The following MCF2L variants were observed in gnomAD, a reference collection of about 807,000 sequenced individuals.
MCF2L encodes guanine nucleotide exchange factor DBS.
Under a neutral mutation model 153.4 loss-of-function variants are expected in MCF2L, and 97 were observed. The observed-to-expected ratio is 0.63, with a 90% CI of 0.54 to 0.75. MCF2L has a LOEUF of 0.75. Ranked by LOEUF, MCF2L falls within the 30% of genes least tolerant of loss-of-function variation. The pLI, the probability that MCF2L is intolerant of heterozygous loss-of-function variation, is 0.00. For synonymous variants in MCF2L, 659 were observed against 632.2 expected (o/e 1.04, Z -0.64); for missense variants, 1,347 against 1,495.2 (o/e 0.90, Z 1.64).
rs1254848457 is a variant in MCF2L at position 112,969,759 on chromosome 13, G to A, written c.79+301G>A. On this transcript the variant is annotated intron_variant, in intron 1 of 29. Transcript: ENST00000535094. This position sits in a 1 kb window ranked among gnomAD's most constrained non-coding sequence, Gnocchi z 4.8. ...CTGCCCATCAACCTGCCTGTCCGCAGCCCTCGCAATGGAGAATGCATTGCG... is the reference window on the plus strand; with the variant it reads ...CTGCCCATCAACCTGCCTGTCCGCAACCCTCGCAATGGAGAATGCATTGCG... 6.6e-6 allele frequency among the ~76,000 whole-genome samples: 1 copy of A among 152,168 alleles called. No homozygotes were observed. Among genetic ancestry groups the A allele is most frequent in the African/African-American group, 2.4e-5 (1 of 41,438 alleles).
In MCF2L at chr13:112,960,779, G is replaced by A. The variant is rs1327692971; in HGVS notation, c.170-53984G>A. On this transcript the variant is annotated intron_variant, in intron 2 of 29. Coordinates refer to the MCF2L transcript ENST00000375608. This position sits in a 1 kb window ranked among gnomAD's most constrained non-coding sequence, Gnocchi z 4.2. Reference sequence around the variant, plus strand: ...TGCTGCCTGCATTCCTGGGCTCATGGCCGCACCACCCAGACCCTTACATCC... The same window carrying A: ...TGCTGCCTGCATTCCTGGGCTCATGACCGCACCACCCAGACCCTTACATCC... Among the ~76,000 whole-genome samples, 2 of 152,106 alleles carry A rather than the reference G, an allele frequency of 1.3e-5. No homozygotes were observed. Among genetic ancestry groups the A allele is most frequent in the African/African-American group, 4.8e-5 (2 of 41,404 alleles).
At chr13:113,033,637 C>G (rs1440760293) in intron 3 of MCF2L, among the ~76,000 whole-genome samples, 2 of 152,100 alleles carry the variant, frequency 1.3e-5, no homozygotes, top group Non-Finnish European at 1.5e-5. Flanking sequence ...GTGATTTCCC[C>G]CCCCCACCCC....
chr13:112,897,852 TGG>T (rs941292575), intron 1 of MCF2L, among the ~76,000 whole-genome samples: 1 of 152,122 alleles, frequency 6.6e-6, no homozygotes, highest in Non-Finnish European at 1.5e-5. Context: ...TGACTGGCAG[TGG>T]GGACTGGAGT....
chr13:113,090,282 A>C, intron 26 of MCF2L: 1 of 1,305,266 alleles, frequency 7.7e-7, no homozygotes, highest in Non-Finnish European at 1.0e-6. Flanking sequence ...CTTTCCACCC[A>C]ATCACGTGTT....
rs1416611361 is a variant in MCF2L, at chr13:113,035,259, C to A, written c.279-10012C>A. ...TAATTTTTGTGTCCTGCTGTAACTA[C>A]CATGTAGTGCACTTATGAATCGTGC... On this transcript the variant is annotated intron_variant, in intron 3 of 29. Transcript: ENST00000535094. This position sits in a 1 kb window ranked among gnomAD's most constrained non-coding sequence, Gnocchi z 4.4. 6.6e-6 allele frequency among the ~76,000 whole-genome samples: 1 copy of A among 152,196 alleles called. No homozygotes were observed. Among genetic ancestry groups the A allele is most frequent in the Non-Finnish European group, 1.5e-5 (1 of 68,034 alleles).
intron 2 of MCF2L, among the ~76,000 whole-genome samples, chr13:112,920,887 GC>G (rs1465581385): frequency 2.0e-5 from 3 of 152,114 alleles, no homozygotes; most frequent in African/African-American, 7.2e-5. Context: ...CACAGCCATG[GC>G]CAGGCGCGGT....
intron 4 of MCF2L, among the ~76,000 whole-genome samples, chr13:113,055,524 G>A (rs1191260105): frequency 6.6e-6 from 1 of 152,018 alleles, no homozygotes; most frequent in Non-Finnish European, 1.5e-5. Context: ...AAACGTAGAA[G>A]AGCGTGATTC....
intron 1 of MCF2L, among the ~76,000 whole-genome samples, chr13:112,991,864 A>G (rs187722017): frequency 1.3e-5 from 2 of 152,238 alleles, no homozygotes; most frequent in Non-Finnish European, 2.9e-5. Flanking sequence ...GGCTTGGCCT[A>G]TGTGGGATTC....
At chr13:112,970,162 T>G (rs1169799319) in intron 1 of MCF2L, among the ~76,000 whole-genome samples, 1 of 152,188 alleles carries the variant, frequency 6.6e-6, no homozygotes, top group Non-Finnish European at 1.5e-5. Context: ...TAACTCGTTT[T>G]CCTTGAAATG....
chr13:112,913,274 T>G (rs1427697187), intron 2 of MCF2L, among the ~76,000 whole-genome samples: 1 of 151,900 alleles, frequency 6.6e-6, no homozygotes, highest in African/African-American at 2.4e-5. Context: ...TCTGTATGTA[T>G]GGGGTGTGTC....
intron 26 of MCF2L, chr13:113,090,078 C>CACT: frequency 6.4e-7 from 1 of 1,554,652 alleles, no homozygotes; most frequent in Non-Finnish European, 8.7e-7. Context: ...ATGACACGGT[C>CACT]ACTAGCTCTG....
intron 8 of MCF2L, among the ~76,000 whole-genome samples, chr13:113,069,418 C>A (rs2032621124): frequency 1.9e-5 from 1 of 51,308 alleles, no homozygotes; most frequent in Admixed American, 2.0e-4. Context: ...GCCGAGATTG[C>A]ACCTGGGTGG....
intron 1 of MCF2L, chr13:113,001,764 C>A: frequency 7.3e-7 from 1 of 1,373,682 alleles, no homozygotes; most frequent in Non-Finnish European, 9.4e-7. Flanking sequence ...GGCTGCCCTG[C>A]AGAGGCCAGG....
At chr13:112,895,848 G>A (rs1306298377) in intron 1 of MCF2L, among the ~76,000 whole-genome samples, 4 of 151,894 alleles carry the variant, frequency 2.6e-5, no homozygotes, top group African/African-American at 7.3e-5. Context: ...CGATTTCACC[G>A]GGCTGTGCAG....
intron 3 of MCF2L, chr13:113,026,872 C>G: frequency 2.7e-6 from 2 of 739,500 alleles, no homozygotes; most frequent in East Asian, 2.5e-5. Context: ...TCCCCAGCGG[C>G]GGGCAGGAGA....
intron 2 of MCF2L, among the ~76,000 whole-genome samples, chr13:112,940,463 G>A (rs74980777): frequency 0.019 from 2,862 of 152,338 alleles, 89 homozygotes; most frequent in African/African-American, 0.065. Context: ...CGGGTGGGGC[G>A]GGGAAGGCCC....
At chr13:113,012,584 TGC>T (rs2084225476) in intron 1 of MCF2L, among the ~76,000 whole-genome samples, 1 of 94,702 alleles carries the variant, frequency 1.1e-5, no homozygotes, top group African/African-American at 3.7e-5. Context: ...CGGTGGACAC[TGC>T]AGTGTGGACT....
chr13:112,950,017 A>T (rs2081676388), intron 2 of MCF2L, among the ~76,000 whole-genome samples: 1 of 152,020 alleles, frequency 6.6e-6, no homozygotes, highest in Admixed American at 6.5e-5. Flanking sequence ...AAAAAAAAAA[A>T]ACTCCTAAAG....
upstream of MCF2L, among the ~76,000 whole-genome samples, chr13:112,968,142 T>TCGGG (rs1555355444): frequency 3.4e-5 from 2 of 59,450 alleles, 1 homozygote; most frequent in Non-Finnish European, 7.4e-5. Context: ...GGGAGTGAGG[T>TCGGG]GGGGGGGGGG....
Sources: gnomAD v4.1 joint callset for allele counts (sites outside exome capture counted in the v4.1 genomes callset) on GRCh38, gnomAD v4.1.1 for gene constraint, Gnocchi (gnomAD v3.1) non-coding constraint, MANE v1.5 for transcripts, NCBI Gene and HGNC (gene_info 2026-07-23, HGNC 2026-07-21) for gene names.